MAZ: variants seen among roughly 807,000 people sequenced by gnomAD.
MAZ encodes the protein myc-associated zinc finger protein.
A neutral mutation model predicts 32.7 loss-of-function variants in MAZ; 4 were observed. The ratio of observed to expected loss-of-function variants is 0.12; its 90% CI spans 0.06 to 0.28. The LOEUF (loss-of-function observed/expected upper bound fraction) is 0.28, where lower values mean the gene tolerates loss of function less well. Among genes scored for constraint, MAZ ranks in the 10% least tolerant of loss-of-function variants. MAZ has a pLI of 1.00. For missense variants in MAZ, 763 were observed against 667.2 expected (o/e 1.14, Z -1.58); for synonymous variants, 510 against 297.6 (o/e 1.71, Z -7.35).
In MAZ at chr16:29,809,808, G is replaced by A. The variant is rs925806142; in HGVS notation, c.1280-269G>A. The A allele has an allele frequency of 5.5e-6, 6 of 1,096,278 alleles. No homozygotes were observed. In the African/African-American group the frequency reaches 7.9e-5, roughly 14 times the overall value. 67.9% of individuals were successfully genotyped at this position (1,096,278 alleles called of 1,614,324 possible). Reference sequence around the variant, plus strand: ...CTGGGGGGCGGGATGGGGGGTGTGGGGGACAACGGGGCTCAAAGGGCCCAA... The same window carrying A: ...CTGGGGGGCGGGATGGGGGGTGTGGAGGACAACGGGGCTCAAAGGGCCCAA... On this transcript the variant is annotated intron_variant, in intron 4 of 4. Transcript: ENST00000322945.
At chr16:29,809,664 C>T (rs959496985) in intron 4 of MAZ, 2 of 1,580,976 alleles carry the variant, frequency 1.3e-6, no homozygotes. Context: ...CCCAGCTGGC[C>T]GGCCACATGC....
rs767598451 is a variant in MAZ, at chr16:29,806,865, C to T, written c.164C>T (p.Ser55Phe). The T allele has an allele frequency of 1.4e-6, 2 of 1,443,978 alleles. No individual in the cohort carries two copies. Among genetic ancestry groups the T allele is most frequent in the African/African-American group, 1.5e-5 (1 of 66,022 alleles). 89.4% of individuals were successfully genotyped at this position (1,443,978 alleles called of 1,614,324 possible). A position where few individuals can be genotyped will look rare whatever the true frequency, so the allele number is the denominator to read the frequency against. The part of the protein sequence containing the change: ...GAELQSRFFA[S>F]QGCAQSPFQA... ...GAGCTCCAGTCCCGCTTCTTTGCCT[C>T]CCAGGGCTGCGCCCAGAGTCCATTC... Residue 55 changes from serine to phenylalanine, a missense_variant, in exon 1 of 5, where the codon TCC becomes TTC. By Grantham distance (155) the Ser-to-Phe change is radical. Transcript: ENST00000322945.
At chr16:29,809,814 A>G (rs1054200457) in intron 4 of MAZ, 117 of 1,075,530 alleles carry the variant, frequency 1.1e-4, no homozygotes, top group Non-Finnish European at 1.4e-4. Context: ...GTGGGGGACA[A>G]CGGGGCTCAA....
chr16:29,811,135 C>T lies in MAZ; in HGVS notation c.*904C>T, dbSNP rs1482278553. On this transcript the variant is annotated 3_prime_UTR_variant, in exon 5 of 5. Coordinates refer to ENST00000322945, the MANE Select transcript of MAZ (RefSeq NM_002383.4). The stretch of plus-strand genomic sequence containing the variant: ...TCCACCCCTTCCTTTTGCGCGGACC[C>T]CATTACAATAAATTTTAAATAAAAT... 2 of 435,042 alleles carry T rather than the reference C, an allele frequency of 4.6e-6. No homozygotes were observed. Among genetic ancestry groups the T allele is most frequent in the Non-Finnish European group, 9.2e-6 (2 of 218,048 alleles). The allele number at this position is 435,042 out of a possible 1,614,324, so 26.9% of individuals were successfully genotyped here.
Position 29,807,541 on chromosome 16 carries a change from T to A in MAZ, c.756T>A (p.Gly252=), listed in dbSNP as rs562485394. The A allele has an allele frequency of 6.3e-7, 1 of 1,575,580 alleles. No individual in the cohort carries two copies. Among genetic ancestry groups the A allele is most frequent in the Non-Finnish European group, 8.6e-7 (1 of 1,166,416 alleles). The change falls in exon 2 of 5, where the codon GGT becomes GGA. Residue 252 remains glycine (G), a synonymous_variant. Transcript: ENST00000322945. ...SGAGGGGGEA[G]AGGGAAAVAA... is the part of the protein sequence containing the mutation. Reference sequence around the variant, plus strand: ...CCGGCGGGGGAGGGGGAGAGGCGGGTGCCGGCGGCGGCGCTGCCGCAGTGG... The same window carrying A: ...CCGGCGGGGGAGGGGGAGAGGCGGGAGCCGGCGGCGGCGCTGCCGCAGTGG...
chr16:29,807,857 G>C (rs1041005409), intron 2 of MAZ, 29 bp downstream of exon 2: 4 of 1,591,948 alleles, frequency 2.5e-6, no homozygotes, highest in Non-Finnish European at 3.4e-6. Flanking sequence ...CCGCCCGCTA[G>C]GCCGTGGGGA....
At chr16:29,806,511 C>T, upstream of MAZ, 1 of 515,844 alleles carries the variant, frequency 1.9e-6, no homozygotes, top group Non-Finnish European at 2.4e-6. Context: ...CGCGGCGCTC[C>T]GCGGCCCGCA....
Position 29,806,777 on chromosome 16 carries a change from G to C in MAZ, c.76G>C (p.Gly26Arg). The change falls in exon 1 of 5, where the codon GGC (glycine) becomes CGC (arginine). Residue 26 changes from glycine (G) to arginine (R), a missense_variant. Physicochemically the swap from Gly to Arg is moderately radical, Grantham distance 125 (BLOSUM62 -2). Transcript: ENST00000322945. The stretch of plus-strand genomic sequence containing the variant: ...GGGCCTGGACTCCCGGGGGGTGGGC[G>C]GCCTCATGAACTCCTTCCCGCCACC... ...VLGLDSRGVG[G>R]LMNSFPPPQG... The C allele has an allele frequency of 7.0e-7, 1 of 1,431,742 alleles. No homozygotes were observed. Among genetic ancestry groups the C allele is most frequent in the Non-Finnish European group, 9.2e-7 (1 of 1,084,704 alleles). 88.7% of individuals were successfully genotyped at this position (1,431,742 alleles called of 1,614,324 possible). A position where few individuals can be genotyped will look rare whatever the true frequency, so the allele number is the denominator to read the frequency against.
rs1454705098 is a variant in MAZ, at chr16:29,807,189, C to T, written c.404C>T (p.Pro135Leu). 57 of 1,156,706 alleles carry T rather than the reference C, an allele frequency of 4.9e-5. No individual in the cohort carries two copies. Among genetic ancestry groups the T allele is most frequent in the Middle Eastern group, 3.3e-4 (1 of 3,010 alleles). 71.7% of individuals were successfully genotyped at this position (1,156,706 alleles called of 1,614,324 possible). ...CTGAAGCAGCCTCCGGCGCCCCCTC[C>T]GCCACCCCCGCCAGTGTCGGCGCCC... Reference protein sequence around the residue: ...AALKQPPAPPPPPPPVSAPAA... With the variant: ...AALKQPPAPPLPPPPVSAPAA... The change falls in exon 2 of 5, where the codon CCG becomes CTG. Residue 135 changes from proline (P) to leucine (L), a missense_variant. By Grantham distance (98) the Pro-to-Leu change is moderately conservative. Coordinates refer to ENST00000322945, the MANE Select transcript of MAZ (RefSeq NM_002383.4).
In MAZ at chr16:29,807,836, C is replaced by T. The variant is rs776936483; in HGVS notation, c.1043+8C>T. 9 of 1,600,270 alleles carry T rather than the reference C, an allele frequency of 5.6e-6. No individual in the cohort carries two copies. The highest frequency in any genetic ancestry group is 2.2e-5 in the East Asian group (1 of 44,766). ...TGGCAAGAGCTTCTCCCGGTGTGCA[C>T]GGGGCCTCGGCCGCCCGCTAGGCCG... On this transcript the variant is annotated splice_region_variant and intron_variant, in intron 2 of 4. Coordinates refer to ENST00000322945, the MANE Select transcript of MAZ (RefSeq NM_002383.4).
chr16:29,808,060 C>G (rs1899640548), intron 2 of MAZ, 170 bp from the exon 3 acceptor site: 2 of 976,564 alleles, frequency 2.0e-6, no homozygotes, highest in South Asian at 3.0e-5. Flanking sequence ...GAGGCGGCGG[C>G]GGCGGCAGCG....
rs979278738 is a variant in MAZ at position 29,808,252 on chromosome 16, G to A, written c.1066G>A (p.Val356Ile). 1.2e-6 allele frequency: 2 copies of A among 1,613,952 alleles called. No homozygotes were observed. Among genetic ancestry groups the A allele is most frequent in the Admixed American group, 3.3e-5 (2 of 59,996 alleles). Residue 356 changes from valine to isoleucine, a missense_variant, in exon 3 of 5, where the codon GTC (valine) becomes ATC (isoleucine). Coordinates refer to ENST00000322945, the MANE Select transcript of MAZ (RefSeq NM_002383.4). ...FSRPDHLNSH[V>I]RQVHSTERPF... ...CAGGCCGGATCACCTCAACAGTCAC[G>A]TCAGACAAGTGCACTCAACAGAACG...
intron 2 of MAZ, 68 bp downstream of exon 2, chr16:29,807,896 C>G (rs748449243): frequency 7.7e-6 from 12 of 1,563,272 alleles, no homozygotes; most frequent in Non-Finnish European, 8.6e-6. Flanking sequence ...GTGGCCTGGC[C>G]GTGGCTGGCG....
intron 2 of MAZ, 134 bp downstream of exon 2, chr16:29,807,962 A>AG (rs1170581664): frequency 6.9e-6 from 10 of 1,446,516 alleles, no homozygotes; most frequent in Non-Finnish European, 9.2e-6. Context: ...GGGCGGAGGG[A>AG]GGAAGCCTCT....
chr16:29,808,312 C>G lies in MAZ; in HGVS notation c.1107+19C>G, dbSNP rs764243931. On this transcript the variant is annotated intron_variant, in intron 3 of 4. Coordinates refer to ENST00000322945, the MANE Select transcript of MAZ (RefSeq NM_002383.4). ...ATGTGAGGTAGGAAGCCCGCCTCCT[C>G]CTGTCTTGGTTTTCATGATTTTGAT... is the stretch of plus-strand genomic sequence containing the variant. 1.6e-5 allele frequency: 25 copies of G among 1,610,512 alleles called. No individual in the cohort carries two copies. Among genetic ancestry groups the G allele is most frequent in the Non-Finnish European group, 2.0e-5 (23 of 1,176,788 alleles).
In MAZ at chr16:29,807,405, G is replaced by A; in HGVS notation, c.620G>A (p.Arg207Lys). The change falls in exon 2 of 5, where the codon AGG becomes AAG. Residue 207 changes from arginine (R) to lysine (K), a missense_variant. Transcript: ENST00000322945. The part of the protein sequence containing the change: ...KEFKNGYNLR[R>K]HEAIHTGAKA... ...TTCAAGAACGGCTACAATCTCCGGAGGCACGAAGCCATCCACACGGGAGCC... is the reference window on the plus strand; with the variant it reads ...TTCAAGAACGGCTACAATCTCCGGAAGCACGAAGCCATCCACACGGGAGCC... The A allele has an allele frequency of 6.2e-7, 1 of 1,612,454 alleles. No homozygotes were observed. The highest frequency in any genetic ancestry group is 8.5e-7 in the Non-Finnish European group (1 of 1,179,768).
chr16:29,810,581 C>G lies in MAZ; in HGVS notation c.*350C>G, dbSNP rs765975427. The G allele has an allele frequency of 2.9e-6, 2 of 693,738 alleles. No homozygotes were observed. Among genetic ancestry groups the G allele is most frequent in the African/African-American group, 3.5e-5 (2 of 56,928 alleles). The allele number at this position is 693,738 out of a possible 1,614,324, so 43.0% of individuals were successfully genotyped here. A position where few individuals can be genotyped will look rare whatever the true frequency, so the allele number is the denominator to read the frequency against. ...TCCCAGGGACTTGTGAGCCTCTTCC[C>G]TCGACGGTCCTCTTCTCTCCTTCCA... is the stretch of plus-strand genomic sequence containing the variant. On this transcript the variant is annotated 3_prime_UTR_variant, in exon 5 of 5. Transcript: ENST00000322945.
chr16:29,809,368 G>A, intron 4 of MAZ: 1 of 598,714 alleles, frequency 1.7e-6, no homozygotes, highest in South Asian at 2.0e-5. Context: ...CAGGCTCAGG[G>A]AGGGGCTGTG....
At position 29,807,426 on chromosome 16, in the gene MAZ, G is replaced by C. The variant is rs768623908; in HGVS notation, c.641G>C (p.Gly214Ala). 1 of 1,612,420 alleles carries C rather than the reference G, an allele frequency of 6.2e-7. No individual in the cohort carries two copies. The highest frequency in any genetic ancestry group is 8.5e-7 in the Non-Finnish European group (1 of 1,179,724). ...CGGAGGCACGAAGCCATCCACACGG[G>C]AGCCAAGGCCGGCCGGGTCCCCTCG... ...NLRRHEAIHTGAKAGRVPSGA... is the reference protein window; with the variant it reads ...NLRRHEAIHTAAKAGRVPSGA... Residue 214 changes from glycine (G) to alanine (A), a missense_variant, in exon 2 of 5, where the codon GGA becomes GCA. By Grantham distance (60) the Gly-to-Ala change is moderately conservative (BLOSUM62 0). Coordinates refer to ENST00000322945, the MANE Select transcript of MAZ (RefSeq NM_002383.4).
Sources: allele counts gnomAD v4.1 joint callset, GRCh38; gene constraint gnomAD v4.1.1; transcripts MANE v1.5; gene names NCBI Gene and HGNC (gene_info 2026-07-23, HGNC 2026-07-21).